The following FMN2 variants were observed in gnomAD, a reference collection of about 807,000 sequenced individuals.
The protein encoded by FMN2 is formin-2.
FMN2 carries 51 observed loss-of-function variants against 142.3 expected under a neutral mutation model. The observed-to-expected ratio is 0.36, with a 90% CI of 0.29 to 0.45. The LOEUF (loss-of-function observed/expected upper bound fraction) is 0.45. Ranked by LOEUF, FMN2 falls within the 20% of genes least tolerant of loss-of-function variation. The probability of loss-of-function intolerance (pLI) is 1.00; values close to 1 mark genes in which losing one functional copy is unlikely to be tolerated. For missense variants in FMN2, 1,936 were observed against 2,122.8 expected, an observed-to-expected ratio of 0.91 and a Z score of 1.73; for synonymous variants, 882 against 869.8, an observed-to-expected ratio of 1.01 and a Z score of -0.25.
intron 13 of FMN2, among the ~76,000 whole-genome samples, chr1:240,345,698 G>C (rs1671887357): frequency 6.6e-6 from 1 of 152,042 alleles, no homozygotes; most frequent in African/African-American, 2.4e-5. Context: ...GGCCAGGCTG[G>C]ACTCGAACTC....
intron 13 of FMN2, among the ~76,000 whole-genome samples, chr1:240,341,885 C>T (rs750038749): frequency 2.0e-5 from 3 of 152,136 alleles, no homozygotes; most frequent in Non-Finnish European, 4.4e-5. Context: ...ACTCTTGCTG[C>T]CCCAGGCATA....
chr1:240,206,892 G>A lies in FMN2; in HGVS notation c.2080G>A (p.Glu694Lys), dbSNP rs771210700. 12 of 1,614,186 alleles carry A rather than the reference G, an allele frequency of 7.4e-6. No individual in the cohort carries two copies. In the African/African-American group the frequency reaches 1.2e-4, roughly 16 times the overall value. Residue 694 changes from glutamate (E) to lysine (K), a missense_variant, in exon 5 of 18, where the codon GAG becomes AAG. By Grantham distance (56) the Glu-to-Lys change is moderately conservative. This residue lies in a region of FMN2 where 478 missense variants were observed against 462.8 expected (regional missense o/e 1.03). Transcript: ENST00000319653. The stretch of plus-strand genomic sequence containing the variant: ...TCTGAGAACCAAAATAGCTGAACTA[G>A]AGAGGCAGTATCCTGCCCTGGACAC... ...EDLRTKIAEL[E>K]RQYPALDTEV... is the part of the protein sequence containing the mutation.
At chr1:240,127,955 T>C (rs1662581448) in intron 2 of FMN2, among the ~76,000 whole-genome samples, 1 of 152,092 alleles carries the variant, frequency 6.6e-6, no homozygotes. Context: ...GTATGGCTGA[T>C]GGGACTTCTG....
chr1:240,233,927 G>A (rs1341450559), intron 6 of FMN2, among the ~76,000 whole-genome samples: 1 of 152,084 alleles, frequency 6.6e-6, no homozygotes, highest in Non-Finnish European at 1.5e-5. Context: ...ATACCCACTG[G>A]CAATGATGGT....
At chr1:240,414,848 G>A (rs935647547) in intron 15 of FMN2, among the ~76,000 whole-genome samples, 2 of 152,148 alleles carry the variant, frequency 1.3e-5, no homozygotes, top group Non-Finnish European at 2.9e-5. Context: ...ATCTAGAAGT[G>A]GAACCCAACT....
chr1:240,121,956 C>G (rs540919089), intron 1 of FMN2, among the ~76,000 whole-genome samples: 68 of 151,964 alleles, frequency 4.5e-4, no homozygotes, highest in African/African-American at 1.6e-3. Context: ...CTGTGAATGT[C>G]AGTCACTGAT....
intron 1 of FMN2, among the ~76,000 whole-genome samples, chr1:240,112,112 TA>T (rs1348521265): frequency 6.6e-6 from 1 of 151,942 alleles, no homozygotes; most frequent in Admixed American, 6.6e-5. Context: ...ACAAGACACC[TA>T]ACATCCTTAG....
intron 6 of FMN2, among the ~76,000 whole-genome samples, chr1:240,219,484 C>G (rs6429189): frequency 6.6e-6 from 1 of 151,960 alleles, no homozygotes; most frequent in South Asian, 2.1e-4. Context: ...TGACCTAAAC[C>G]GAAAAAGAGT....
At position 240,092,086 on chromosome 1, in the gene FMN2, G is replaced by A. The variant is rs772340234; in HGVS notation, c.-24G>A. 3.3e-6 allele frequency: 5 copies of A among 1,536,030 alleles called. No homozygotes were observed. In the South Asian group the frequency reaches 6.1e-5, roughly 19 times the overall value. On this transcript the variant is annotated 5_prime_UTR_variant, in exon 1 of 18. Coordinates refer to ENST00000319653, the MANE Select transcript of FMN2 (RefSeq NM_020066.5). ...GGATGGCCTGAGTGCCCGCGGCGCG[G>A]CGGCGCAGCAGCGGGATTGCACCAT...
chr1:240,146,836 T>C (rs1663504068), intron 2 of FMN2, among the ~76,000 whole-genome samples: 1 of 152,202 alleles, frequency 6.6e-6, no homozygotes, highest in African/African-American at 2.4e-5. Context: ...GTATCATTAT[T>C]GTACCATTTC....
intron 15 of FMN2, among the ~76,000 whole-genome samples, chr1:240,418,386 G>A (rs531168309): frequency 1.2e-3 from 187 of 151,680 alleles, no homozygotes; most frequent in African/African-American, 4.1e-3. Context: ...TAGTAGAGAC[G>A]GGATTTCACC....
At chr1:240,393,476 C>G (rs1673676323) in intron 15 of FMN2, among the ~76,000 whole-genome samples, 1 of 152,166 alleles carries the variant, frequency 6.6e-6, no homozygotes, top group African/African-American at 2.4e-5. Context: ...CTTGCGTCTC[C>G]CCTCTCCTCA....
chr1:240,301,452 C>A (rs1670192420), intron 8 of FMN2, among the ~76,000 whole-genome samples: 2 of 151,840 alleles, frequency 1.3e-5, no homozygotes, highest in African/African-American at 4.8e-5. Flanking sequence ...TTCTGAAGCT[C>A]TTCCTTTGTT....
chr1:240,218,575 A>AT (rs398103883), intron 6 of FMN2, among the ~76,000 whole-genome samples: 7 of 150,888 alleles, frequency 4.6e-5, no homozygotes, highest in Admixed American at 1.3e-4. Flanking sequence ...AAAAAAAAAA[A>AT]TTTTATTTCT....
intron 2 of FMN2, among the ~76,000 whole-genome samples, chr1:240,125,817 A>T (rs1318257289): frequency 1.3e-5 from 2 of 152,052 alleles, no homozygotes; most frequent in Non-Finnish European, 2.9e-5. Context: ...CCATCATCTT[A>T]TTTTGGAGGG....
intron 6 of FMN2, among the ~76,000 whole-genome samples, chr1:240,220,640 G>A (rs1179468426): frequency 6.6e-6 from 1 of 151,630 alleles, no homozygotes; most frequent in Non-Finnish European, 1.5e-5. Flanking sequence ...AAAACCAAGC[G>A]GAAGCTTCAC....
chr1:240,126,010 A>G (rs1047192339), intron 2 of FMN2, among the ~76,000 whole-genome samples: 5 of 152,166 alleles, frequency 3.3e-5, no homozygotes, highest in Admixed American at 2.0e-4. Flanking sequence ...AGTGAACATA[A>G]AACAAAGAAG....
chr1:240,143,851 C>T (rs1663303805), intron 2 of FMN2: 12 of 1,583,854 alleles, frequency 7.6e-6, no homozygotes, highest in Non-Finnish European at 1.0e-5. Flanking sequence ...CCATGCTGGA[C>T]TTTGAATCTC....
At chr1:240,348,551 GA>G (rs1671994015) in intron 13 of FMN2, among the ~76,000 whole-genome samples, 1 of 146,290 alleles carries the variant, frequency 6.8e-6, no homozygotes, top group Non-Finnish European at 1.5e-5. Flanking sequence ...GACTTTTTAA[GA>G]AAAGCCATTC....
Sources: gnomAD v4.1 joint callset for allele counts (sites outside exome capture counted in the v4.1 genomes callset) on GRCh38, gnomAD v4.1.1 for gene constraint, gnomAD v4.1.1 regional missense constraint, MANE v1.5 for transcripts, NCBI Gene and HGNC (gene_info 2026-07-23, HGNC 2026-07-21) for gene names.